FLYWCH1: variants seen among roughly 807,000 people sequenced by gnomAD.
FLYWCH1 encodes FLYWCH-type zinc finger-containing protein 1.
Under a neutral mutation model 66.4 loss-of-function variants are expected in FLYWCH1, and 75 were observed. The ratio of observed to expected loss-of-function variants is 1.13; its 90% CI spans 0.94 to 1.37. FLYWCH1 has a LOEUF of 1.37. FLYWCH1 is among the 40% of genes most tolerant of loss of function. The pLI is 0.00. For missense variants in FLYWCH1, 1,334 were observed against 1,001.8 expected (o/e 1.33, Z -4.48); for synonymous variants, 595 against 429.9 (o/e 1.38, Z -4.75).
intron 4 of FLYWCH1, among the ~76,000 whole-genome samples, chr16:2,932,003 A>G (rs2070777472): frequency 1.3e-5 from 2 of 151,980 alleles, no homozygotes; most frequent in African/African-American, 4.8e-5. Context: ...CTGTAGTCCC[A>G]GCTACTCGGG....
At chr16:2,922,799 T>C (rs1426921264) in intron 2 of FLYWCH1, 1 of 522,728 alleles carries the variant, frequency 1.9e-6, no homozygotes. Context: ...CACAGCCTGT[T>C]TGAGCTGGTG....
intron 9 of FLYWCH1, among the ~76,000 whole-genome samples, chr16:2,947,616 G>T (rs974909586): frequency 1.3e-5 from 2 of 151,918 alleles, no homozygotes; most frequent in African/African-American, 4.8e-5. Flanking sequence ...CAAAAAATTA[G>T]CTGGGCGTGG....
At chr16:2,947,429 T>C (rs1190995280) in intron 9 of FLYWCH1, among the ~76,000 whole-genome samples, 1 of 152,194 alleles carries the variant, frequency 6.6e-6, no homozygotes, top group Non-Finnish European at 1.5e-5. Context: ...TAACGGATTT[T>C]ATGGGATGTG....
At chr16:2,945,941 G>A (rs1422377738) in intron 9 of FLYWCH1, among the ~76,000 whole-genome samples, 8 of 152,044 alleles carry the variant, frequency 5.3e-5, no homozygotes, top group African/African-American at 1.7e-4. Context: ...AGCTTGCAGT[G>A]AGCCGAGATT....
At position 2,913,809 on chromosome 16, in the gene FLYWCH1, G is replaced by T. The variant is rs886323; in HGVS notation, c.-187-367G>T. 2.6e-3 allele frequency among the ~76,000 whole-genome samples: 398 copies of T among 152,250 alleles called. 1 individual carries two copies. The highest frequency in any genetic ancestry group is 8.7e-3 in the African/African-American group (361 of 41,504). The stretch of plus-strand genomic sequence containing the variant: ...GTGCACCTCCAACGCTCATGGTTCA[G>T]TTGCGGGTAGGTGGGAGGTGGGTAG... On this transcript the variant is annotated intron_variant, in intron 1 of 9. Coordinates refer to ENST00000253928, the MANE Select transcript of FLYWCH1 (RefSeq NM_001308068.2).
rs200255837 is a variant in FLYWCH1 at position 2,938,192 on chromosome 16, C to T, written c.1786C>T (p.Arg596Trp). The change falls in exon 8 of 10, where the codon CGG (arginine) becomes TGG (tryptophan). Residue 596 changes from arginine (R) to tryptophan (W), a missense_variant. Physicochemically the swap from Arg to Trp is moderately radical, Grantham distance 101. Transcript: ENST00000253928. ...LAQWDSPDPL[R>W]PLEFLRTSLG... ...GTCACTTTCCCTTTCAGATCCTCTC[C>T]GGCCCCTGGAGTTCCTGAGGACTTC... 102 of 1,612,226 alleles carry T rather than the reference C, an allele frequency of 6.3e-5. No individual in the cohort carries two copies. Among genetic ancestry groups the T allele is most frequent in the Admixed American group, 2.7e-4 (16 of 59,914 alleles).
intron 2 of FLYWCH1, among the ~76,000 whole-genome samples, chr16:2,924,271 C>T (rs995124942): frequency 4.0e-5 from 6 of 150,708 alleles, no homozygotes; most frequent in Admixed American, 2.0e-4. Flanking sequence ...CGGAGCTTTG[C>T]AGTGAGCCGA....
At chr16:2,914,576 C>T (rs954497295) in intron 2 of FLYWCH1, among the ~76,000 whole-genome samples, 3 of 152,044 alleles carry the variant, frequency 2.0e-5, no homozygotes, top group African/African-American at 7.2e-5. Context: ...GCAAATCTGC[C>T]GGCCTGTGCT....
chr16:2,933,484 C>T lies in FLYWCH1; in HGVS notation c.1151C>T (p.Thr384Ile), dbSNP rs368898949. 4 of 1,606,860 alleles carry T rather than the reference C, an allele frequency of 2.5e-6. No homozygotes were observed. Among genetic ancestry groups the T allele is most frequent in the Middle Eastern group, 1.7e-4 (1 of 6,032 alleles). ...YRRGPGPLTL[T>I]RPRPRKRAKV... Reference sequence around the variant, plus strand: ...AGGGGTCCGGGTCCCCTGACTCTCACCAGGCCTCGGCCCAGAAAGCGAGCA... The same window carrying T: ...AGGGGTCCGGGTCCCCTGACTCTCATCAGGCCTCGGCCCAGAAAGCGAGCA... The change falls in exon 5 of 10, where the codon ACC (threonine) becomes ATC (isoleucine). Residue 384 changes from threonine to isoleucine, a missense_variant. Thr to Ile is a moderately conservative substitution (Grantham distance 89, BLOSUM62 -1). Transcript: ENST00000253928.
intron 2 of FLYWCH1, among the ~76,000 whole-genome samples, chr16:2,919,286 G>C (rs2070283559): frequency 6.9e-6 from 1 of 144,880 alleles, no homozygotes; most frequent in African/African-American, 2.6e-5. Flanking sequence ...TTTTTTTTGA[G>C]ACGGAGTCTT....
chr16:2,914,229 A>G lies in FLYWCH1; in HGVS notation c.-134A>G, dbSNP rs971756588. 1 of 152,274 alleles carries G rather than the reference A, an allele frequency of 6.6e-6. No homozygotes were observed. Among genetic ancestry groups the G allele is most frequent in the African/African-American group, 2.4e-5 (1 of 41,470 alleles). The allele number at this position is 152,274 out of a possible 1,614,324, so 9.4% of individuals were successfully genotyped here. On this transcript the variant is annotated 5_prime_UTR_variant, in exon 2 of 10. Coordinates refer to ENST00000253928, the MANE Select transcript of FLYWCH1 (RefSeq NM_001308068.2). ...TTTGCCCCCGGGGCTCCTGCCCAGC[A>G]AGCCAGCGCCGTGACCCAGGTGTGG...
At chr16:2,931,435 C>G (rs2070759595) in intron 4 of FLYWCH1, among the ~76,000 whole-genome samples, 1 of 151,704 alleles carries the variant, frequency 6.6e-6, no homozygotes, top group African/African-American at 2.4e-5. Flanking sequence ...ACCAGCCTGG[C>G]CAATATAGTG....
intron 2 of FLYWCH1, 132 bp downstream of exon 2, chr16:2,914,421 G>C (rs2070097520): frequency 6.6e-6 from 1 of 152,290 alleles, no homozygotes; most frequent in Non-Finnish European, 1.5e-5. Context: ...TCTACGCTGA[G>C]CCCTTGTGGT....
chr16:2,928,373 T>C (rs1057407720), intron 2 of FLYWCH1, among the ~76,000 whole-genome samples: 11 of 152,154 alleles, frequency 7.2e-5, no homozygotes, highest in Admixed American at 1.3e-4. Context: ...TCAGGCTGTC[T>C]CAGTGGGGGG....
At chr16:2,920,301 G>A (rs960115338) in intron 2 of FLYWCH1, among the ~76,000 whole-genome samples, 24 of 152,014 alleles carry the variant, frequency 1.6e-4, no homozygotes, top group Non-Finnish European at 1.8e-4. Flanking sequence ...CTAGAGGCCA[G>A]GAGTTCGAGA....
intron 9 of FLYWCH1, among the ~76,000 whole-genome samples, chr16:2,944,392 C>G (rs1231849863): frequency 8.4e-6 from 1 of 118,452 alleles, no homozygotes; most frequent in Non-Finnish European, 1.8e-5. Context: ...GAAACTCCAT[C>G]TCAAAAAAAA....
intron 6 of FLYWCH1, chr16:2,935,099 A>ATT (rs2070943511): frequency 1.3e-5 from 2 of 152,928 alleles, no homozygotes; most frequent in Non-Finnish European, 2.9e-5. Context: ...ATTTTTGTAT[A>ATT]TTTAGCAGAG....
rs539925550 is a variant in FLYWCH1 at position 2,949,880 on chromosome 16, C to T, written c.*1153C>T. The T allele has an allele frequency of 6.6e-5, 10 of 152,290 alleles. No homozygotes were observed. The highest frequency in any genetic ancestry group is 6.2e-4 in the South Asian group (3 of 4,822). The allele number at this position is 152,290 out of a possible 1,614,324, so 9.4% of individuals were successfully genotyped here. On this transcript the variant is annotated 3_prime_UTR_variant, in exon 10 of 10. Coordinates refer to ENST00000253928, the MANE Select transcript of FLYWCH1 (RefSeq NM_001308068.2). ...AGTTGGCCGCCGTGAAACCACACTC[C>T]GTCACATCTCCATGCCAGTGCCCAG...
chr16:2,919,839 C>T (rs1262807167), intron 2 of FLYWCH1, among the ~76,000 whole-genome samples: 1 of 152,154 alleles, frequency 6.6e-6, no homozygotes, highest in Non-Finnish European at 1.5e-5. Flanking sequence ...AGGAGCAACA[C>T]CACCATCTTG....
Sources: gnomAD v4.1 joint callset for allele counts (sites outside exome capture counted in the v4.1 genomes callset) on GRCh38, gnomAD v4.1.1 for gene constraint, MANE v1.5 for transcripts, NCBI Gene and HGNC (gene_info 2026-07-23, HGNC 2026-07-21) for gene names.